WDR59: variants seen among roughly 807,000 people sequenced by gnomAD.
WDR59 encodes WD repeat domain 59.
WDR59 carries 100 observed loss-of-function variants against 131.2 expected under a neutral mutation model. The observed-to-expected ratio is 0.76, with a 90% CI of 0.65 to 0.90. The LOEUF (loss-of-function observed/expected upper bound fraction) is 0.90, where lower values mean the gene tolerates loss of function less well. Ranked by LOEUF, WDR59 falls within the 40% of genes least tolerant of loss-of-function variation. WDR59 has a pLI of 0.00. For synonymous variants in WDR59, 601 were observed against 466.2 expected (o/e 1.29, Z -3.72); for missense variants, 1,203 against 1,262.2 (o/e 0.95, Z 0.71).
At chr16:74,944,115 C>G (rs1027305764) in intron 6 of WDR59, among the ~76,000 whole-genome samples, 4 of 152,076 alleles carry the variant, frequency 2.6e-5, no homozygotes, top group Admixed American at 2.6e-4. Context: ...CATCAGAACT[C>G]GAGGGCTCCC....
chr16:74,887,569 A>G, intron 23 of WDR59, 114 bp downstream of exon 23: 1 of 1,017,700 alleles, frequency 9.8e-7, no homozygotes, highest in Non-Finnish European at 1.4e-6. Flanking sequence ...GTAAATGTAA[A>G]GAGAAATAAG....
chr16:74,902,179 G>C (rs1965584483), intron 18 of WDR59, among the ~76,000 whole-genome samples: 1 of 152,110 alleles, frequency 6.6e-6, no homozygotes, highest in African/African-American at 2.4e-5. Flanking sequence ...ATCAATATAA[G>C]AGTTTCATAT....
At chr16:74,964,567 T>C (rs1343093780) in intron 2 of WDR59, among the ~76,000 whole-genome samples, 1 of 152,204 alleles carries the variant, frequency 6.6e-6, no homozygotes, top group African/African-American at 2.4e-5. Flanking sequence ...CCATGTTGTA[T>C]ACTTTTTTAA....
chr16:74,911,180 C>G (rs962256011), intron 14 of WDR59, among the ~76,000 whole-genome samples: 5 of 152,086 alleles, frequency 3.3e-5, no homozygotes, highest in Admixed American at 6.6e-5. Flanking sequence ...TGATTTTTCA[C>G]ACACAAAAGA....
At chr16:74,969,389 C>G (rs1011489491) in intron 1 of WDR59, among the ~76,000 whole-genome samples, 1 of 151,878 alleles carries the variant, frequency 6.6e-6, no homozygotes, top group Non-Finnish European at 1.5e-5. Context: ...TCTCAGGCCT[C>G]AGCCTCCTGA....
At chr16:74,957,438 A>T (rs2033350460) in intron 2 of WDR59, among the ~76,000 whole-genome samples, 1 of 152,134 alleles carries the variant, frequency 6.6e-6, no homozygotes, top group South Asian at 2.1e-4. Flanking sequence ...CACTCAACAA[A>T]TGTGAGTTAA....
intron 25 of WDR59, among the ~76,000 whole-genome samples, chr16:74,881,099 CA>C (rs1388717475): frequency 1.3e-5 from 2 of 152,078 alleles, no homozygotes; most frequent in African/African-American, 4.8e-5. Context: ...CAGTCAGAAA[CA>C]AAAACAACAA....
chr16:74,970,901 A>AT (rs1491297249), intron 1 of WDR59, among the ~76,000 whole-genome samples: 1 of 151,846 alleles, frequency 6.6e-6, no homozygotes, highest in African/African-American at 2.4e-5. Context: ...AAAAAAAAAA[A>AT]ATTAGCCAGG....
chr16:74,953,193 C>T (rs1479523669), intron 3 of WDR59, among the ~76,000 whole-genome samples: 1 of 152,148 alleles, frequency 6.6e-6, no homozygotes, highest in Non-Finnish European at 1.5e-5. Context: ...GCCTTCCAGC[C>T]AGGGGCAGTG....
chr16:74,925,471 G>C (rs543596141), intron 8 of WDR59, among the ~76,000 whole-genome samples: 3 of 150,758 alleles, frequency 2.0e-5, no homozygotes, highest in Non-Finnish European at 4.4e-5. Flanking sequence ...TTGAACCCGG[G>C]AGGCAGAGGT....
Position 74,892,476 on chromosome 16 carries a change from G to A in WDR59, c.2082+8C>T. On this transcript the variant is annotated splice_region_variant and intron_variant, in intron 20 of 25. Coordinates refer to ENST00000262144, the MANE Select transcript of WDR59 (RefSeq NM_030581.4). ...ATCCAAATCTCCACCAAAAGGGATG[G>A]ACAATACCTGGACAAGATCCTTTCT... is the stretch of plus-strand genomic sequence containing the variant. 6.2e-7 allele frequency: 1 copy of A among 1,612,556 alleles called. No homozygotes were observed. Among genetic ancestry groups the A allele is most frequent in the Non-Finnish European group, 8.5e-7 (1 of 1,178,830 alleles).
At chr16:74,952,512 A>C (rs945074646) in intron 3 of WDR59, among the ~76,000 whole-genome samples, 2 of 151,648 alleles carry the variant, frequency 1.3e-5, no homozygotes, top group Non-Finnish European at 2.9e-5. Flanking sequence ...CTAGAAGGCA[A>C]AATTATTTAA....
At position 74,938,277 on chromosome 16, in the gene WDR59, T is replaced by A. The variant is rs202053239; in HGVS notation, c.535-11A>T. ...TGCTGTACTGGGTTTCTGCAACAGA[T>A]CAGCACCTAATATTATCGATTTAGA... On this transcript the variant is annotated splice_polypyrimidine_tract_variant and intron_variant, in intron 7 of 25. Transcript: ENST00000262144. 5.7e-4 allele frequency: 843 copies of A among 1,482,154 alleles called. 2 individuals carry two copies. The highest frequency in any genetic ancestry group is 1.2e-3 in the Middle Eastern group (7 of 5,610). The allele number at this position is 1,482,154 out of a possible 1,614,324, so 91.8% of individuals were successfully genotyped here.
chr16:74,885,719 G>A lies in WDR59; in HGVS notation c.2623C>T (p.Leu875=). 1.9e-6 allele frequency: 3 copies of A among 1,614,166 alleles called. No homozygotes were observed. Among genetic ancestry groups the A allele is most frequent in the Non-Finnish European group, 2.5e-6 (3 of 1,180,042 alleles). Reference sequence around the variant, plus strand: ...AACACTTCAGCTCGCTTCTCTCTCAGACCCCAACGGTAGAGGATTTCCCCA... The same window carrying A: ...AACACTTCAGCTCGCTTCTCTCTCAAACCCCAACGGTAGAGGATTTCCCCA... The part of the protein sequence containing the change: ...CYGEILYRWG[L]REKRAEVLKF... The change falls in exon 25 of 26, where the codon CTG becomes TTG. Residue 875 remains leucine (L), a synonymous_variant. Coordinates refer to ENST00000262144, the MANE Select transcript of WDR59 (RefSeq NM_030581.4).
At chr16:74,982,335 G>A (rs2034460936) in intron 1 of WDR59, among the ~76,000 whole-genome samples, 1 of 151,968 alleles carries the variant, frequency 6.6e-6, no homozygotes, top group African/African-American at 2.4e-5. Context: ...TAAAGAGGAA[G>A]CCTTGTAAAT....
chr16:74,893,623 GT>G, intron 19 of WDR59, 55 bp downstream of exon 19: 1 of 1,483,508 alleles, frequency 6.7e-7, no homozygotes, highest in Admixed American at 2.1e-5. Flanking sequence ...AAAAAAAAAA[GT>G]TTTGCTAATC....
At chr16:74,974,458 T>C (rs1348260093) in intron 1 of WDR59, among the ~76,000 whole-genome samples, 2 of 152,180 alleles carry the variant, frequency 1.3e-5, no homozygotes, top group Non-Finnish European at 1.5e-5. Flanking sequence ...CAAACTGATA[T>C]TGTCATTTAA....
intron 25 of WDR59, among the ~76,000 whole-genome samples, chr16:74,880,254 T>C (rs1445116076): frequency 6.6e-6 from 1 of 152,128 alleles, no homozygotes; most frequent in Non-Finnish European, 1.5e-5. Flanking sequence ...GAGACCATCC[T>C]GGCTAACATG....
intron 25 of WDR59, among the ~76,000 whole-genome samples, chr16:74,881,237 C>T (rs536222427): frequency 1.3e-5 from 2 of 152,168 alleles, no homozygotes; most frequent in African/African-American, 2.4e-5. Context: ...CTCAAATTTG[C>T]TATGATGAAG....
Sources: allele counts gnomAD v4.1 joint callset (sites outside exome capture counted in the v4.1 genomes callset), GRCh38; gene constraint gnomAD v4.1.1; transcripts MANE v1.5; gene names NCBI Gene and HGNC (gene_info 2026-07-23, HGNC 2026-07-21).